HTT: variants seen among roughly 807,000 people sequenced by gnomAD.
The protein encoded by HTT is huntington disease protein.
In HTT, 104 loss-of-function variants were observed where a neutral mutation model predicts 362.3. The ratio of observed to expected loss-of-function variants is 0.29; its 90% CI spans 0.24 to 0.34. The LOEUF (loss-of-function observed/expected upper bound fraction) is 0.34. Among genes scored for constraint, HTT ranks in the 10% least tolerant of loss-of-function variants. The probability of loss-of-function intolerance (pLI) is 1.00; values close to 1 mark genes in which losing one functional copy is unlikely to be tolerated. For synonymous variants in HTT, 1,577 were observed against 1,548.7 expected, an observed-to-expected ratio of 1.02 and a Z score of -0.43; for missense variants, 3,301 against 3,928.6, an observed-to-expected ratio of 0.84 and a Z score of 4.27.
rs775324194 is a variant in HTT at position 3,199,762 on chromosome 4, C to G, written c.5399C>G (p.Thr1800Ser). ...TTCCGGAGAATCACAGCAGCTGCCACTAGGCTGTTCCGCAGTGATGGCTGT... is the reference window on the plus strand; with the variant it reads ...TTCCGGAGAATCACAGCAGCTGCCAGTAGGCTGTTCCGCAGTGATGGCTGT... ...GMFRRITAAA[T>S]RLFRSDGCGG... Residue 1800 changes from threonine (T) to serine (S), a missense_variant, in exon 41 of 67, where the codon ACT becomes AGT. Coordinates refer to ENST00000355072, the MANE Select transcript of HTT (RefSeq NM_001388492.1). 6.2e-7 allele frequency: 1 copy of G among 1,614,176 alleles called. No homozygotes were observed. Among genetic ancestry groups the G allele is most frequent in the Admixed American group, 1.7e-5 (1 of 60,026 alleles).
intron 2 of HTT, among the ~76,000 whole-genome samples, chr4:3,088,561 A>C (rs1254687960): frequency 6.6e-6 from 1 of 152,142 alleles, no homozygotes. Context: ...ATATATTCGT[A>C]ATGTTGTACA....
At chr4:3,082,801 G>A (rs1371018370) in intron 1 of HTT, among the ~76,000 whole-genome samples, 2 of 152,148 alleles carry the variant, frequency 1.3e-5, no homozygotes, top group Non-Finnish European at 2.9e-5. Flanking sequence ...GAGCATTTCT[G>A]TAGCTGTGAT....
At chr4:3,134,715 C>T (rs372580323) in intron 19 of HTT, among the ~76,000 whole-genome samples, 175 bp downstream of exon 19, 39 of 152,164 alleles carry the variant, frequency 2.6e-4, no homozygotes, top group East Asian at 2.1e-3. Flanking sequence ...TTGCCCTATG[C>T]TTGGAATTTT....
At position 3,080,689 on chromosome 4, in the gene HTT, A is replaced by C. The variant is rs145238481; in HGVS notation, c.263+5601A>C. Among the ~76,000 whole-genome samples the C allele has an allele frequency of 4.9e-4, 75 of 152,346 alleles. 2 individuals are homozygous for C. In the East Asian group the frequency reaches 0.014, roughly 28 times the overall value. On this transcript the variant is annotated intron_variant, in intron 1 of 66. Coordinates refer to ENST00000355072, the MANE Select transcript of HTT (RefSeq NM_001388492.1). The stretch of plus-strand genomic sequence containing the variant: ...AAATCATTGTCTAATCCAAAGTCAA[A>C]AAGGTTTACTCCTATGTTTTCTTCT...
rs995590641 is a variant in HTT, at chr4:3,206,304, G to T, written c.5719-192G>T. Among the ~76,000 whole-genome samples, 1 of 152,242 alleles carries T rather than the reference G, an allele frequency of 6.6e-6. No homozygotes were observed. Among genetic ancestry groups the T allele is most frequent in the Non-Finnish European group, 1.5e-5 (1 of 68,036 alleles). ...ACAGCCTCTGCCGCAGTGCGTGGTTGGAGGTGACGGCCTTGGTAAATCGAG... is the reference window on the plus strand; with the variant it reads ...ACAGCCTCTGCCGCAGTGCGTGGTTTGAGGTGACGGCCTTGGTAAATCGAG... On this transcript the variant is annotated intron_variant, in intron 42 of 66. Transcript: ENST00000355072. This position sits in a 1 kb window ranked among gnomAD's most constrained non-coding sequence, Gnocchi z 4.6.
rs962387530 is a variant in HTT, at chr4:3,240,396, A to G, written c.*337A>G. On this transcript the variant is annotated 3_prime_UTR_variant, in exon 67 of 67. Coordinates refer to ENST00000355072, the MANE Select transcript of HTT (RefSeq NM_001388492.1). ...TTGCAGCTGCTCTTGCATCTGGGCC[A>G]GAAGTCCTCCCTCCTGCAGGCTGGC... 5.5e-6 allele frequency: 2 copies of G among 362,412 alleles called. No individual in the cohort carries two copies. Among genetic ancestry groups the G allele is most frequent in the East Asian group, 6.6e-5 (1 of 15,188 alleles). 22.4% of individuals were successfully genotyped at this position (362,412 alleles called of 1,614,324 possible).
At chr4:3,138,027 G>GTA (rs1218325896) in intron 21 of HTT, among the ~76,000 whole-genome samples, 1 of 151,754 alleles carries the variant, frequency 6.6e-6, no homozygotes, top group Non-Finnish European at 1.5e-5. Context: ...AATAATTTTG[G>GTA]TACTTACTGT....
intron 28 of HTT, among the ~76,000 whole-genome samples, chr4:3,158,413 C>T (rs1717268067): frequency 6.6e-6 from 1 of 152,128 alleles, no homozygotes; most frequent in South Asian, 2.1e-4. Flanking sequence ...TCAACTTCTA[C>T]TTGTAGATTG....
At chr4:3,225,544 C>T (rs1370312502) in intron 56 of HTT, 117 bp from the exon 57 acceptor site, 12 of 782,678 alleles carry the variant, frequency 1.5e-5, no homozygotes, top group East Asian at 5.5e-5. Context: ...CCAGTGGCGG[C>T]GAGGGCAGGT....
intron 47 of HTT, among the ~76,000 whole-genome samples, chr4:3,210,348 T>G (rs891908342): frequency 6.6e-6 from 1 of 152,170 alleles, no homozygotes; most frequent in Non-Finnish European, 1.5e-5. Flanking sequence ...GAAGTCAAGG[T>G]TGCGTATTTG....
At chr4:3,085,838 G>T (rs1713178294) in intron 1 of HTT, among the ~76,000 whole-genome samples, 1 of 152,214 alleles carries the variant, frequency 6.6e-6, no homozygotes, top group African/African-American at 2.4e-5. Flanking sequence ...AGTGCCAACT[G>T]TGAAGACATC....
chr4:3,225,181 G>A (rs554907512), intron 56 of HTT, among the ~76,000 whole-genome samples: 2 of 152,002 alleles, frequency 1.3e-5, no homozygotes, highest in African/African-American at 2.4e-5. Flanking sequence ...TTAAGTGGGG[G>A]CATTATCCTG....
chr4:3,100,485 A>G (rs1478975301), intron 3 of HTT, among the ~76,000 whole-genome samples: 1 of 152,174 alleles, frequency 6.6e-6, no homozygotes, highest in Non-Finnish European at 1.5e-5. Context: ...CTCTGGAGCC[A>G]TGGGATTCTA....
In HTT at chr4:3,105,409, C is replaced by T. The variant is rs757694541; in HGVS notation, c.581C>T (p.Ala194Val). 1.2e-6 allele frequency: 2 copies of T among 1,613,846 alleles called. No individual in the cohort carries two copies. Among genetic ancestry groups the T allele is most frequent in the Middle Eastern group, 1.6e-4 (1 of 6,062 alleles). ...RAALWRFAEL[A>V]HLVRPQKCRP... ...GCCCTGTGGAGGTTTGCTGAGCTGG[C>T]TCACCTGGTTCGGCCTCAGAAATGC... The change falls in exon 5 of 67, where the codon GCT (alanine) becomes GTT (valine). Residue 194 changes from alanine (A) to valine (V), a missense_variant. By Grantham distance (64) the Ala-to-Val change is moderately conservative (BLOSUM62 0). Coordinates refer to ENST00000355072, the MANE Select transcript of HTT (RefSeq NM_001388492.1).
intron 12 of HTT, chr4:3,129,210 T>G (rs1447122233): frequency 6.6e-6 from 1 of 152,292 alleles, no homozygotes; most frequent in Non-Finnish European, 1.5e-5. Context: ...CATGCTGTTA[T>G]GAACGTGGGT....
intron 1 of HTT, among the ~76,000 whole-genome samples, chr4:3,076,029 A>G (rs34045730): frequency 6.6e-6 from 1 of 152,176 alleles, no homozygotes; most frequent in Non-Finnish European, 1.5e-5. Flanking sequence ...CCAGTATTCC[A>G]GTCAGGCTTG....
chr4:3,172,650 C>A (rs186880838), intron 30 of HTT, among the ~76,000 whole-genome samples: 1 of 152,192 alleles, frequency 6.6e-6, no homozygotes, highest in Non-Finnish European at 1.5e-5. Flanking sequence ...TAGTTAACTT[C>A]CAGTCCCTCG....
intron 1 of HTT, among the ~76,000 whole-genome samples, chr4:3,078,678 C>T (rs1376317361): frequency 3.3e-5 from 5 of 152,104 alleles, no homozygotes; most frequent in Non-Finnish European, 7.4e-5. Flanking sequence ...AAGTGATTCT[C>T]ATGCCTCAGC....
At position 3,075,062 on chromosome 4, in the gene HTT, T is replaced by G; in HGVS notation, c.237T>G (p.Ala79=). Residue 79 remains alanine, a synonymous_variant, in exon 1 of 67, where the codon GCT becomes GCG. Transcript: ENST00000355072. ...PPPPPPPPGP[A]VAEEPLHRPK... ...CGCCCCCGCCGCCACCCGGCCCGGC[T>G]GTGGCTGAGGAGCCGCTGCACCGAC... 1.0e-5 allele frequency: 13 copies of G among 1,247,596 alleles called. No homozygotes were observed. The highest frequency in any genetic ancestry group is 1.3e-5 in the Non-Finnish European group (13 of 1,002,324). The allele number at this position is 1,247,596 out of a possible 1,614,324, so 77.3% of individuals were successfully genotyped here.
Sources: allele counts gnomAD v4.1 joint callset (sites outside exome capture counted in the v4.1 genomes callset), GRCh38; gene constraint gnomAD v4.1.1; non-coding constraint Gnocchi (gnomAD v3.1); transcripts MANE v1.5; gene names NCBI Gene and HGNC (gene_info 2026-07-23, HGNC 2026-07-21).